DNM3: variants seen among roughly 807,000 people sequenced by gnomAD.
DNM3 encodes the protein dynamin-3.
Under a neutral mutation model 101.6 loss-of-function variants are expected in DNM3, and 47 were observed. The ratio of observed to expected loss-of-function variants is 0.46; its 90% CI spans 0.37 to 0.59. The LOEUF (loss-of-function observed/expected upper bound fraction) is 0.59, where lower values mean the gene tolerates loss of function less well. DNM3 is among the 20% of genes least tolerant of loss of function. DNM3 has a pLI of 0.00. For synonymous variants in DNM3, 385 were observed against 387.9 expected (o/e 0.99, Z 0.09); for missense variants, 849 against 1,085.7 (o/e 0.78, Z 3.06).
chr1:172,226,355 A>G (rs2061120464), intron 14 of DNM3, among the ~76,000 whole-genome samples: 1 of 152,220 alleles, frequency 6.6e-6, no homozygotes, highest in Admixed American at 6.5e-5. Context: ...ATACTTTTAA[A>G]AAAGATAGTA....
chr1:171,925,719 C>T (rs4596936), intron 2 of DNM3, among the ~76,000 whole-genome samples: 38,193 of 152,016 alleles, frequency 0.25, 5,673 homozygotes, highest in Admixed American at 0.35. Flanking sequence ...AGTTAAGTCC[C>T]GTTTGTCTAT....
At chr1:172,110,191 G>T (rs1396776071) in intron 13 of DNM3, among the ~76,000 whole-genome samples, 3 of 152,246 alleles carry the variant, frequency 2.0e-5, no homozygotes, top group African/African-American at 7.2e-5. Flanking sequence ...AGCTTCAATA[G>T]CTCAGGCTCT....
At chr1:172,068,300 C>A (rs1007854103) in intron 10 of DNM3, among the ~76,000 whole-genome samples, 4 of 151,894 alleles carry the variant, frequency 2.6e-5, no homozygotes, top group Non-Finnish European at 5.9e-5. Flanking sequence ...TGCACTCCAG[C>A]CTGGGTGACA....
At chr1:172,005,222 A>T (rs1026734911) in intron 4 of DNM3, among the ~76,000 whole-genome samples, 1 of 152,084 alleles carries the variant, frequency 6.6e-6, no homozygotes, top group South Asian at 2.1e-4. Context: ...GACTGTTTTG[A>T]TATTAAATGA....
At chr1:171,998,666 A>G (rs1424386013) in intron 4 of DNM3, among the ~76,000 whole-genome samples, 2 of 152,118 alleles carry the variant, frequency 1.3e-5, no homozygotes, top group African/African-American at 4.8e-5. Context: ...CATTAGTATA[A>G]TGTCAGGTGT....
intron 17 of DNM3, among the ~76,000 whole-genome samples, chr1:172,354,781 A>G (rs1008261041): frequency 6.6e-6 from 1 of 152,274 alleles, no homozygotes; most frequent in Non-Finnish European, 1.5e-5. Flanking sequence ...GGCATTTGCT[A>G]TCACTGCACA....
chr1:171,864,662 C>G (rs368726042), intron 1 of DNM3: 6 of 152,198 alleles, frequency 3.9e-5, no homozygotes, highest in African/African-American at 1.2e-4. Flanking sequence ...ACAGACACCT[C>G]TGTTTGGAAG....
At chr1:172,293,935 G>A (rs1234445800) in intron 15 of DNM3, among the ~76,000 whole-genome samples, 1 of 152,174 alleles carries the variant, frequency 6.6e-6, no homozygotes, top group Admixed American at 6.5e-5. Flanking sequence ...GAAAGTCTGT[G>A]CCCTCTGCTT....
At chr1:172,025,444 G>A (rs1469436352) in intron 4 of DNM3, among the ~76,000 whole-genome samples, 2 of 152,198 alleles carry the variant, frequency 1.3e-5, no homozygotes, top group African/African-American at 4.8e-5. Flanking sequence ...CACAGCATTC[G>A]AGCTCTGCTA....
chr1:172,163,209 A>C (rs1033726206), intron 14 of DNM3, among the ~76,000 whole-genome samples: 1 of 151,752 alleles, frequency 6.6e-6, no homozygotes. Flanking sequence ...GTCTCTTAGC[A>C]AATTTCAAGT....
chr1:172,061,834 A>T (rs2051249099), intron 10 of DNM3, among the ~76,000 whole-genome samples: 1 of 152,126 alleles, frequency 6.6e-6, no homozygotes, highest in Non-Finnish European at 1.5e-5. Flanking sequence ...TGTACCCTAA[A>T]ACTTAAAGTA....
At chr1:172,090,253 T>C (rs551426891) in intron 12 of DNM3, among the ~76,000 whole-genome samples, 12 of 152,340 alleles carry the variant, frequency 7.9e-5, no homozygotes, top group African/African-American at 2.9e-4. Context: ...GATCTCATTA[T>C]AATAGTAGTT....
At chr1:172,319,833 A>C (rs940584031) in intron 16 of DNM3, among the ~76,000 whole-genome samples, 1 of 152,162 alleles carries the variant, frequency 6.6e-6, no homozygotes, top group African/African-American at 2.4e-5. Context: ...GTGATTCCTC[A>C]GGGATCTAGA....
chr1:172,206,239 A>G (rs1192953562), intron 14 of DNM3, among the ~76,000 whole-genome samples: 1 of 152,118 alleles, frequency 6.6e-6, no homozygotes, highest in East Asian at 1.9e-4. Context: ...CAACTGAATT[A>G]AGGTTTCATG....
At chr1:172,297,661 C>T (rs2757491) in intron 15 of DNM3, among the ~76,000 whole-genome samples, 15,273 of 151,900 alleles carry the variant, frequency 0.1, 1,068 homozygotes, top group African/African-American at 0.2. Flanking sequence ...GGATATGAAG[C>T]GTTTATATCT....
chr1:172,019,919 GT>G (rs146361999), intron 4 of DNM3, among the ~76,000 whole-genome samples: 10 of 146,478 alleles, frequency 6.8e-5, no homozygotes, highest in Non-Finnish European at 9.1e-5. Context: ...ATCACAGTTT[GT>G]TTTTTTTTTA....
intron 14 of DNM3, among the ~76,000 whole-genome samples, chr1:172,141,141 C>CA (rs1158144016): frequency 6.6e-6 from 1 of 151,962 alleles, no homozygotes; most frequent in Non-Finnish European, 1.5e-5. Flanking sequence ...CACGCTAAGT[C>CA]AAAAAATTCA....
chr1:172,043,072 G>C (rs2049506551), intron 8 of DNM3, among the ~76,000 whole-genome samples: 1 of 152,160 alleles, frequency 6.6e-6, no homozygotes, highest in Non-Finnish European at 1.5e-5. Context: ...AGAGGCTTGT[G>C]CAAGGGGGAA....
At chr1:172,097,312 A>G (rs1012480264) in intron 13 of DNM3, among the ~76,000 whole-genome samples, 9 of 152,046 alleles carry the variant, frequency 5.9e-5, no homozygotes, top group Admixed American at 1.3e-4. Flanking sequence ...AGGCAGGAGA[A>G]TCACTTGAAC....
Sources: gnomAD v4.1 joint callset for allele counts (sites outside exome capture counted in the v4.1 genomes callset) on GRCh38, gnomAD v4.1.1 for gene constraint, MANE v1.5 for transcripts, NCBI Gene and HGNC (gene_info 2026-07-23, HGNC 2026-07-21) for gene names.